The following RANBP17 variants were observed in gnomAD, a reference collection of about 807,000 sequenced individuals.
The protein encoded by RANBP17 is RAN binding protein 17, also known as ran-binding protein 17.
In RANBP17, 158 loss-of-function variants were observed where a neutral mutation model predicts 141.2. The ratio of observed to expected loss-of-function variants is 1.12; its 90% CI spans 0.98 to 1.28. The LOEUF is 1.28. Ranked by LOEUF, RANBP17 falls within the 50% of genes most tolerant of loss-of-function variation. The pLI is 0.00. For synonymous variants in RANBP17, 430 were observed against 450.0 expected (o/e 0.96, Z 0.56); for missense variants, 1,438 against 1,290.7 (o/e 1.11, Z -1.75).
chr5:170,864,893 A>G (rs1767108622), intron 1 of RANBP17, among the ~76,000 whole-genome samples: 1 of 152,252 alleles, frequency 6.6e-6, no homozygotes, highest in Non-Finnish European at 1.5e-5. Context: ...GGGAGAAACT[A>G]TGGAAGATCC....
At chr5:170,881,393 G>A (rs963885539) in intron 2 of RANBP17, among the ~76,000 whole-genome samples, 12 of 152,140 alleles carry the variant, frequency 7.9e-5, no homozygotes, top group Admixed American at 1.3e-4. Flanking sequence ...CGGAGGTCAG[G>A]GTGGGGAAGA....
chr5:170,910,936 G>A (rs574817430), intron 6 of RANBP17, 33 bp from the exon 7 acceptor site: 24 of 1,590,218 alleles, frequency 1.5e-5, no homozygotes, highest in East Asian at 4.5e-5. Context: ...GATGTATTTC[G>A]CAGTGTTTTC....
chr5:171,295,808 C>A, intron 26 of RANBP17, 79 bp from the exon 27 acceptor site: 1 of 1,503,412 alleles, frequency 6.7e-7, no homozygotes. Context: ...TAGATGAGAG[C>A]TGCTCTATCC....
At chr5:171,037,997 A>G (rs1173276067) in intron 14 of RANBP17, among the ~76,000 whole-genome samples, 3 of 152,140 alleles carry the variant, frequency 2.0e-5, no homozygotes, top group African/African-American at 7.2e-5. Context: ...TGTTGAATCT[A>G]TAGATTGCTT....
rs1412735632 is a variant in RANBP17 at position 170,914,187 on chromosome 5, T to C, written c.781T>C (p.Leu261=). ...WRTIFLEPET[L]DLFFNLYHSL... is the part of the protein sequence containing the mutation. ...CCCAGTTTTCCTGGAACCAGAAACATTGGATCTTTTCTTCAATTTGTATCA... is the reference window on the plus strand; with the variant it reads ...CCCAGTTTTCCTGGAACCAGAAACACTGGATCTTTTCTTCAATTTGTATCA... Residue 261 remains leucine (L), a synonymous_variant, in exon 8 of 28, where the codon TTG becomes CTG. Transcript: ENST00000523189. The C allele has an allele frequency of 1.2e-6, 2 of 1,608,554 alleles. No individual in the cohort carries two copies. Among genetic ancestry groups the C allele is most frequent in the East Asian group, 2.2e-5 (1 of 44,798 alleles).
chr5:171,190,375 C>T (rs984926948), intron 18 of RANBP17, among the ~76,000 whole-genome samples: 21 of 152,100 alleles, frequency 1.4e-4, no homozygotes, highest in African/African-American at 5.1e-4. Flanking sequence ...ATTGCTTTAG[C>T]TAAACTAGAC....
chr5:170,996,719 T>C (rs1232573615), intron 14 of RANBP17, among the ~76,000 whole-genome samples: 2 of 152,200 alleles, frequency 1.3e-5, no homozygotes, highest in Admixed American at 6.5e-5. Flanking sequence ...TTGTCATCAT[T>C]ACTACTTTTC....
At chr5:171,247,824 T>A (rs930116621) in intron 24 of RANBP17, among the ~76,000 whole-genome samples, 1 of 152,140 alleles carries the variant, frequency 6.6e-6, no homozygotes, top group Non-Finnish European at 1.5e-5. Flanking sequence ...CCTGCCCACA[T>A]GAAAGCTTGC....
chr5:171,174,431 C>G (rs1223820486), intron 16 of RANBP17, among the ~76,000 whole-genome samples: 1 of 152,084 alleles, frequency 6.6e-6, no homozygotes, highest in Admixed American at 6.6e-5. Flanking sequence ...ATCAAGGAAG[C>G]TCCTGGGAAA....
chr5:170,997,067 T>G (rs1778866317), intron 14 of RANBP17, among the ~76,000 whole-genome samples: 1 of 152,160 alleles, frequency 6.6e-6, no homozygotes, highest in Non-Finnish European at 1.5e-5. Context: ...CCCATGCTGT[T>G]CTCGTGATAG....
intron 14 of RANBP17, among the ~76,000 whole-genome samples, chr5:171,040,917 A>G (rs749715095): frequency 1.3e-5 from 2 of 152,186 alleles, no homozygotes; most frequent in Non-Finnish European, 2.9e-5. Flanking sequence ...GGAATTTCGG[A>G]ATGGCTTAGC....
At chr5:171,277,269 A>C (rs1273084469) in intron 25 of RANBP17, among the ~76,000 whole-genome samples, 1 of 152,014 alleles carries the variant, frequency 6.6e-6, no homozygotes, top group Non-Finnish European at 1.5e-5. Flanking sequence ...AGAAAATGAC[A>C]CCTAGGATCG....
intron 25 of RANBP17, among the ~76,000 whole-genome samples, chr5:171,278,176 A>G (rs1216350022): frequency 6.6e-6 from 1 of 151,794 alleles, no homozygotes; most frequent in Non-Finnish European, 1.5e-5. Context: ...CTTGAGGCCA[A>G]GGGTTCCTGA....
chr5:170,912,480 CA>C (rs1397815979), intron 7 of RANBP17, among the ~76,000 whole-genome samples: 1 of 151,756 alleles, frequency 6.6e-6, no homozygotes. Flanking sequence ...GCAACAGAGA[CA>C]AGGTGAAAGT....
rs562265398 is a variant in RANBP17, at chr5:171,169,738, A to G, written c.1711-392A>G. Among the ~76,000 whole-genome samples the G allele has an allele frequency of 8.5e-5, 13 of 152,058 alleles. No homozygotes were observed. The South Asian group carries it at 2.7e-3, about 32-fold the overall frequency. ...TGGTTAATATTTTGCTGAAATCTAG[A>G]ATAGGTGGAAAATTTTTAAGTGTTG... On this transcript the variant is annotated intron_variant, in intron 14 of 27. Transcript: ENST00000523189.
chr5:171,110,176 C>T (rs1016104979), intron 14 of RANBP17, among the ~76,000 whole-genome samples: 1 of 151,888 alleles, frequency 6.6e-6, no homozygotes, highest in African/African-American at 2.4e-5. Flanking sequence ...AACTCTGTTA[C>T]TTCCTGGCTC....
intron 14 of RANBP17, among the ~76,000 whole-genome samples, chr5:171,047,392 C>A (rs1277017800): frequency 1.3e-5 from 2 of 150,914 alleles, no homozygotes; most frequent in Non-Finnish European, 3.0e-5. Context: ...CTCCATATAT[C>A]CTCTTTGGAA....
chr5:171,219,677 C>T (rs1444982394), intron 21 of RANBP17, among the ~76,000 whole-genome samples: 1 of 151,468 alleles, frequency 6.6e-6, no homozygotes, highest in Non-Finnish European at 1.5e-5. Flanking sequence ...TCTGCTTGAT[C>T]GATTTGGCTA....
chr5:170,876,967 A>G (rs1407623039), intron 1 of RANBP17, among the ~76,000 whole-genome samples: 1 of 152,140 alleles, frequency 6.6e-6, no homozygotes, highest in Non-Finnish European at 1.5e-5. Context: ...AAAGTGAGGT[A>G]ATTTGTTTTC....
Sources: gnomAD v4.1 joint callset for allele counts (sites outside exome capture counted in the v4.1 genomes callset) on GRCh38, gnomAD v4.1.1 for gene constraint, MANE v1.5 for transcripts, NCBI Gene and HGNC (gene_info 2026-07-23, HGNC 2026-07-21) for gene names.